The following PDPN variants were observed in gnomAD, a reference collection of about 807,000 sequenced individuals.
PDPN encodes the protein PA2.26 antigen.
In PDPN, 12 loss-of-function variants were observed where a neutral mutation model predicts 23.2. The ratio of observed to expected loss-of-function variants is 0.52; its 90% CI spans 0.33 to 0.84. PDPN has a LOEUF of 0.84. Among genes scored for constraint, PDPN ranks in the 40% least tolerant of loss-of-function variants. The pLI, the probability that PDPN is intolerant of heterozygous loss-of-function variation, is 0.02. For synonymous variants in PDPN, 77 were observed against 76.7 expected (o/e 1.00, Z -0.02); for missense variants, 199 against 212.2 (o/e 0.94, Z 0.39).
At chr1:13,593,533 G>C (rs534456978) in intron 1 of PDPN, among the ~76,000 whole-genome samples, 1 of 152,300 alleles carries the variant, frequency 6.6e-6, no homozygotes, top group East Asian at 1.9e-4. Flanking sequence ...TCCGAAACCA[G>C]GCTTGAGATT....
At chr1:13,598,401 C>T (rs1640552782) in intron 1 of PDPN, among the ~76,000 whole-genome samples, 3 of 152,130 alleles carry the variant, frequency 2.0e-5, no homozygotes, top group African/African-American at 7.2e-5. Context: ...TCCTCACTGC[C>T]AAGGTCCTGG....
chr1:13,613,854 G>A (rs1300431371), intron 4 of PDPN, 129 bp downstream of exon 4: 6 of 427,200 alleles, frequency 1.4e-5, no homozygotes, highest in Admixed American at 4.2e-5. Context: ...AAAACATTCC[G>A]AGAACAGATT....
chr1:13,594,585 T>C (rs1203623204), intron 1 of PDPN, among the ~76,000 whole-genome samples: 1 of 152,204 alleles, frequency 6.6e-6, no homozygotes, highest in East Asian at 1.9e-4. Flanking sequence ...CAATGTCTAA[T>C]CCATGCACTG....
chr1:13,590,273 GCA>G (rs1640305056), intron 1 of PDPN, among the ~76,000 whole-genome samples: 1 of 152,244 alleles, frequency 6.6e-6, no homozygotes, highest in South Asian at 2.1e-4. Context: ...CATTTACAGA[GCA>G]CACACATTAA....
At chr1:13,584,149 G>T (rs768427575) in intron 1 of PDPN, 49 bp downstream of exon 1, 1 of 1,595,398 alleles carries the variant, frequency 6.3e-7, no homozygotes, top group African/African-American at 1.3e-5. Flanking sequence ...GGGGACGAGC[G>T]AGCAGAGACT....
Position 13,584,054 on chromosome 1 carries a change from G to A in PDPN, c.21G>A (p.Leu7=). Residue 7 remains leucine, a synonymous_variant, in exon 1 of 6, where the codon CTG becomes CTA. Coordinates refer to ENST00000621990, the MANE Select transcript of PDPN (RefSeq NM_006474.5). MWKVSA[L]LFVLGSASLW... ...GAACGATGTGGAAGGTGTCAGCTCT[G>A]CTCTTCGTTTTGGGAAGCGCGTCGC... 6.2e-7 allele frequency: 1 copy of A among 1,613,294 alleles called. No homozygotes were observed. Among genetic ancestry groups the A allele is most frequent in the Non-Finnish European group, 8.5e-7 (1 of 1,180,018 alleles).
At chr1:13,586,163 C>A (rs781464596) in intron 1 of PDPN, among the ~76,000 whole-genome samples, 1 of 152,172 alleles carries the variant, frequency 6.6e-6, no homozygotes, top group African/African-American at 2.4e-5. Flanking sequence ...AGCTGCTGCT[C>A]GCTGCTAACC....
chr1:13,596,295 T>C (rs1371129886), intron 1 of PDPN, among the ~76,000 whole-genome samples: 1 of 152,096 alleles, frequency 6.6e-6, no homozygotes, highest in African/African-American at 2.4e-5. Context: ...TGCCAGACTC[T>C]AGGAATCTAT....
At chr1:13,596,150 G>T (rs1286262323) in intron 1 of PDPN, among the ~76,000 whole-genome samples, 1 of 147,294 alleles carries the variant, frequency 6.8e-6, no homozygotes, top group Non-Finnish European at 1.5e-5. Flanking sequence ...AATGAGCCAA[G>T]ATTGCACCAC....
chr1:13,604,403 A>G (rs947019230), intron 1 of PDPN, among the ~76,000 whole-genome samples: 1 of 151,854 alleles, frequency 6.6e-6, no homozygotes, highest in Non-Finnish European at 1.5e-5. Flanking sequence ...AGCAAAAAGA[A>G]TGCTAGGGCG....
intron 1 of PDPN, among the ~76,000 whole-genome samples, chr1:13,587,560 A>T (rs1302926673): frequency 6.6e-6 from 1 of 152,192 alleles, no homozygotes; most frequent in African/African-American, 2.4e-5. Context: ...CAGATGCTGT[A>T]GGGCTTTTCC....
intron 1 of PDPN, among the ~76,000 whole-genome samples, chr1:13,599,403 T>C (rs1205449847): frequency 1.5e-4 from 16 of 108,196 alleles, no homozygotes; most frequent in South Asian, 3.4e-4. Context: ...TTTTTTTTTT[T>C]CAGACAGAGC....
At chr1:13,600,007 G>A (rs1640601720) in intron 1 of PDPN, among the ~76,000 whole-genome samples, 1 of 152,144 alleles carries the variant, frequency 6.6e-6, no homozygotes, top group Non-Finnish European at 1.5e-5. Flanking sequence ...GTTTAGATTC[G>A]TCCAGATTTC....
intron 3 of PDPN, among the ~76,000 whole-genome samples, chr1:13,611,484 AT>A (rs1640935033): frequency 6.6e-6 from 1 of 152,220 alleles, no homozygotes; most frequent in Admixed American, 6.5e-5. Context: ...ACAAAAAAAA[AT>A]ACTGCATGTC....
At chr1:13,604,164 G>A (rs1394985455) in intron 1 of PDPN, among the ~76,000 whole-genome samples, 2 of 152,326 alleles carry the variant, frequency 1.3e-5, no homozygotes, top group African/African-American at 2.4e-5. Flanking sequence ...GTGTGTATGC[G>A]TGTGTGCGTG....
intron 1 of PDPN, among the ~76,000 whole-genome samples, chr1:13,595,411 C>G (rs919504351): frequency 6.6e-6 from 1 of 152,152 alleles, no homozygotes; most frequent in African/African-American, 2.4e-5. Context: ...GTGCTGCCCT[C>G]AACTTTGGGA....
intron 1 of PDPN, among the ~76,000 whole-genome samples, chr1:13,606,444 G>C (rs1224433789): frequency 6.6e-6 from 1 of 152,182 alleles, no homozygotes; most frequent in Non-Finnish European, 1.5e-5. Context: ...TGTGGTCAGA[G>C]CCTGTGGTTC....
chr1:13,583,922 C>G lies in PDPN; in HGVS notation c.-112C>G, dbSNP rs355025. 6.2e-6 allele frequency: 10 copies of G among 1,612,348 alleles called. No individual in the cohort carries two copies. Among genetic ancestry groups the G allele is most frequent in the Non-Finnish European group, 8.5e-6 (10 of 1,179,362 alleles). On this transcript the variant is annotated 5_prime_UTR_variant, in exon 1 of 6. Coordinates refer to ENST00000621990, the MANE Select transcript of PDPN (RefSeq NM_006474.5). ...CTCCTGCTCCCACCCCTCCGGCCCC[C>G]CCACCGTCGCGCTCCTCCAGGCTGG... is the stretch of plus-strand genomic sequence containing the variant.
In PDPN at chr1:13,610,394, C is replaced by A; in HGVS notation, c.209C>A (p.Thr70Lys). ...CATTTACACCTACAATAGGTGGCAA[C>A]AAGTGTCAACAGTGTAACAGGCATT... is the stretch of plus-strand genomic sequence containing the variant. ...YKSGLTTLVA[T>K]SVNSVTGIRI... Residue 70 changes from threonine (T) to lysine (K), a missense_variant, in exon 3 of 6, where the codon ACA becomes AAA. Transcript: ENST00000621990. 6.2e-7 allele frequency: 1 copy of A among 1,613,052 alleles called. No homozygotes were observed. The highest frequency in any genetic ancestry group is 8.5e-7 in the Non-Finnish European group (1 of 1,179,354).
Sources: gnomAD v4.1 joint callset for allele counts (sites outside exome capture counted in the v4.1 genomes callset) on GRCh38, gnomAD v4.1.1 for gene constraint, MANE v1.5 for transcripts, NCBI Gene and HGNC (gene_info 2026-07-23, HGNC 2026-07-21) for gene names.